The following CDCA7L variants were observed in gnomAD, a reference collection of about 807,000 sequenced individuals.
CDCA7L encodes the protein cell division cycle associated 7 like.
CDCA7L carries 44 observed loss-of-function variants against 57.4 expected under a neutral mutation model. The ratio of observed to expected loss-of-function variants is 0.77; its 90% CI spans 0.60 to 0.98. CDCA7L has a LOEUF of 0.98. Among genes scored for constraint, CDCA7L ranks in the 50% least tolerant of loss-of-function variants. The pLI is 0.00. For synonymous variants in CDCA7L, 236 were observed against 202.8 expected (o/e 1.16, Z -1.39); for missense variants, 644 against 580.6 (o/e 1.11, Z -1.12).
At chr7:21,909,037 A>C (rs574575458) in intron 3 of CDCA7L, among the ~76,000 whole-genome samples, 1 of 152,320 alleles carries the variant, frequency 6.6e-6, no homozygotes, top group Non-Finnish European at 1.5e-5. Context: ...TCCTCAGTCA[A>C]GGGGCACCTT....
chr7:21,905,705 T>C (rs1785117594), intron 6 of CDCA7L, 74 bp from the exon 7 acceptor site: 6 of 1,486,498 alleles, frequency 4.0e-6, no homozygotes, highest in Admixed American at 2.0e-5. Context: ...TTTTAAACTC[T>C]CAAAGATCTA....
rs140167617 is a variant in CDCA7L at position 21,906,317 on chromosome 7, T to G, written c.893A>C (p.Tyr298Ser). 2.8e-5 allele frequency: 45 copies of G among 1,605,280 alleles called. 1 individual carries two copies. The African/African-American group carries it at 5.7e-4, about 20-fold the overall frequency. ...VSAAKFAEEF[Y>S]SFRRRKTIGG... ...AATTGTCTTCCTTCTTCGGAAGCTG[T>G]AAAACTCTTCCGCAAATTTAGCGGC... The change falls in exon 6 of 10, where the codon TAC (tyrosine) becomes TCC (serine). Residue 298 changes from tyrosine (Y) to serine (S), a missense_variant. Coordinates refer to ENST00000406877, the MANE Select transcript of CDCA7L (RefSeq NM_018719.5).
rs544301782 is a variant in CDCA7L at position 21,944,783 on chromosome 7, C to T, written c.24+998G>A. 4 of 152,092 alleles carry T rather than the reference C, an allele frequency of 2.6e-5. No individual in the cohort carries two copies. In the South Asian group the frequency reaches 8.3e-4, roughly 32 times the overall value. The allele number at this position is 152,092 out of a possible 1,614,324, so 9.4% of individuals were successfully genotyped here. A position where few individuals can be genotyped will look rare whatever the true frequency, so the allele number is the denominator to read the frequency against. ...AACGCTGGCGGCCCCGCCTCCCCTT[C>T]TCCCGGGCCAGGCACGCAGGTGGAG... is the stretch of plus-strand genomic sequence containing the variant. On this transcript the variant is annotated intron_variant, in intron 1 of 9. Transcript: ENST00000406877.
intron 1 of CDCA7L, among the ~76,000 whole-genome samples, chr7:21,930,462 C>T (rs1325579617): frequency 6.6e-5 from 10 of 151,766 alleles, no homozygotes; most frequent in East Asian, 5.8e-4. Flanking sequence ...TTTGGGAGGC[C>T]GAGGTGGGCA....
In CDCA7L at chr7:21,903,132, G is replaced by A; in HGVS notation, c.1198-18C>T. 1 of 1,609,464 alleles carries A rather than the reference G, an allele frequency of 6.2e-7. No homozygotes were observed. Among genetic ancestry groups the A allele is most frequent in the South Asian group, 1.1e-5 (1 of 90,496 alleles). ...ACCCAATCCTAACAGAGAGATGACA[G>A]CAGACACTTCGCTCATTATCTACAG... On this transcript the variant is annotated intron_variant, in intron 8 of 9. Transcript: ENST00000406877.
At chr7:21,940,308 G>T in intron 1 of CDCA7L, 1 of 984,870 alleles carries the variant, frequency 1.0e-6, no homozygotes, top group South Asian at 4.7e-5. Context: ...CTATGCCTGC[G>T]AAGTGCTCTG....
chr7:21,925,491 A>T (rs1227777982), intron 1 of CDCA7L, among the ~76,000 whole-genome samples: 1 of 152,234 alleles, frequency 6.6e-6, no homozygotes, highest in African/African-American at 2.4e-5. Flanking sequence ...GTTAATTTTT[A>T]AAAAATTAAA....
At chr7:21,936,831 A>G (rs1435938967) in intron 1 of CDCA7L, among the ~76,000 whole-genome samples, 6 of 152,182 alleles carry the variant, frequency 3.9e-5, no homozygotes, top group African/African-American at 1.4e-4. Flanking sequence ...TCAGGCAAGA[A>G]AAATAAATAA....
intron 6 of CDCA7L, 176 bp from the exon 7 acceptor site, chr7:21,905,807 T>C (rs1785119513): frequency 1.5e-6 from 1 of 674,496 alleles, no homozygotes; most frequent in Non-Finnish European, 2.3e-6. Context: ...CCAAGCTTCC[T>C]TCTCAGCAAG....
At chr7:21,940,604 T>C (rs911115373) in intron 1 of CDCA7L, among the ~76,000 whole-genome samples, 17 of 152,220 alleles carry the variant, frequency 1.1e-4, no homozygotes, top group African/African-American at 3.4e-4. Context: ...GGCGAGCACC[T>C]GAGCCAGCGG....
At position 21,900,994 on chromosome 7, in the gene CDCA7L, G is replaced by T. The variant is rs1784788409; in HGVS notation, c.*1328C>A. On this transcript the variant is annotated 3_prime_UTR_variant, in exon 10 of 10. Transcript: ENST00000406877. ...GCTGCCACACAATTGCAACCGCTGT[G>T]TTTTTGCCATAGGCGCCCGCTGGGA... 6.4e-7 allele frequency: 1 copy of T among 1,573,092 alleles called. No individual in the cohort carries two copies. The highest frequency in any genetic ancestry group is 8.6e-7 in the Non-Finnish European group (1 of 1,160,128).
rs267601457 is a variant in CDCA7L, at chr7:21,901,053, C to G, written c.*1269G>C. 1.2e-6 allele frequency: 2 copies of G among 1,613,394 alleles called. No homozygotes were observed. Among genetic ancestry groups the G allele is most frequent in the Non-Finnish European group, 1.7e-6 (2 of 1,179,620 alleles). ...CAGGAACCATTGTTGAAGCCCGTCT[C>G]AAGGAGCTGGCATGCCCTATGCCGG... On this transcript the variant is annotated 3_prime_UTR_variant, in exon 10 of 10. Coordinates refer to ENST00000406877, the MANE Select transcript of CDCA7L (RefSeq NM_018719.5).
At chr7:21,928,262 C>A (rs1461712641) in intron 1 of CDCA7L, among the ~76,000 whole-genome samples, 1 of 152,144 alleles carries the variant, frequency 6.6e-6, no homozygotes, top group Admixed American at 6.5e-5. Flanking sequence ...GCATCAACAT[C>A]AACAAAAAGG....
chr7:21,903,086 A>T lies in CDCA7L; in HGVS notation c.1226T>A (p.Ile409Asn). The T allele has an allele frequency of 6.2e-7, 1 of 1,614,024 alleles. No homozygotes were observed. Among genetic ancestry groups the T allele is most frequent in the Non-Finnish European group, 8.5e-7 (1 of 1,179,962 alleles). ...PDWVCPPCRG[I>N]CNCSYCRKRD... ...CTTCCGACAGTAGCTGCAATTGCAG[A>T]TCCCACGACAGGGGGGACACACCCA... The change falls in exon 9 of 10, where the codon ATC (isoleucine) becomes AAC (asparagine). Residue 409 changes from isoleucine to asparagine, a missense_variant. Coordinates refer to ENST00000406877, the MANE Select transcript of CDCA7L (RefSeq NM_018719.5).
At chr7:21,942,597 C>A (rs530313336) in intron 1 of CDCA7L, among the ~76,000 whole-genome samples, 63 of 152,142 alleles carry the variant, frequency 4.1e-4, no homozygotes, top group Non-Finnish European at 7.8e-4. Flanking sequence ...TATTCTATTC[C>A]AATGATGTTC....
chr7:21,937,323 T>G (rs771951617), intron 1 of CDCA7L, among the ~76,000 whole-genome samples: 3 of 152,062 alleles, frequency 2.0e-5, no homozygotes, highest in Non-Finnish European at 2.9e-5. Context: ...GGACCCTAAA[T>G]AGCCAAAACA....
intron 2 of CDCA7L, among the ~76,000 whole-genome samples, chr7:21,914,226 C>T (rs537535423): frequency 1.3e-4 from 20 of 152,306 alleles, no homozygotes; most frequent in African/African-American, 3.8e-4. Context: ...CAACACCCCC[C>T]GTGCTCACTG....
At chr7:21,940,296 A>G (rs970212378) in intron 1 of CDCA7L, 1 of 985,032 alleles carries the variant, frequency 1.0e-6, no homozygotes, top group African/African-American at 1.7e-5. Context: ...ATGACTTCCA[A>G]ACTATGCCTG....
At position 21,902,070 on chromosome 7, in the gene CDCA7L, C is replaced by G; in HGVS notation, c.*252G>C. On this transcript the variant is annotated 3_prime_UTR_variant, in exon 10 of 10. Coordinates refer to ENST00000406877, the MANE Select transcript of CDCA7L (RefSeq NM_018719.5). ...CCATTTAAACTGTGCTTTTTAATAA[C>G]TGGCAGATATTTTTAACAAAGTTCA... The G allele has an allele frequency of 2.0e-6, 1 of 496,644 alleles. No individual in the cohort carries two copies. The highest frequency in any genetic ancestry group is 3.6e-6 in the Non-Finnish European group (1 of 276,424). 30.8% of individuals were successfully genotyped at this position (496,644 alleles called of 1,614,324 possible). A position where few individuals can be genotyped will look rare whatever the true frequency, so the allele number is the denominator to read the frequency against.
Sources: gnomAD v4.1 joint callset for allele counts (sites outside exome capture counted in the v4.1 genomes callset) on GRCh38, gnomAD v4.1.1 for gene constraint, MANE v1.5 for transcripts, NCBI Gene and HGNC (gene_info 2026-07-23, HGNC 2026-07-21) for gene names.